TCF7L1: variants seen among roughly 807,000 people sequenced by gnomAD.
The protein encoded by TCF7L1 is transcription factor 7 like 1, also known as transcription factor 7-like 1.
TCF7L1 carries 18 observed loss-of-function variants against 63.7 expected under a neutral mutation model. That is an observed-to-expected ratio of 0.28 (90% CI 0.20 to 0.42). The LOEUF (loss-of-function observed/expected upper bound fraction) is 0.42. Among genes scored for constraint, TCF7L1 ranks in the 10% least tolerant of loss-of-function variants. The probability of loss-of-function intolerance (pLI) is 1.00; values close to 1 mark genes in which losing one functional copy is unlikely to be tolerated. For synonymous variants in TCF7L1, 355 were observed against 340.9 expected (o/e 1.04, Z -0.46); for missense variants, 654 against 779.3 (o/e 0.84, Z 1.91).
intron 4 of TCF7L1, among the ~76,000 whole-genome samples, chr2:85,290,168 A>G (rs905029162): frequency 5.3e-5 from 8 of 151,566 alleles, no homozygotes; most frequent in African/African-American, 1.7e-4. Context: ...TTTAGTAGAG[A>G]CGGGGTTTCA....
At chr2:85,278,895 A>G (rs1558654372) in intron 3 of TCF7L1, among the ~76,000 whole-genome samples, 1 of 152,224 alleles carries the variant, frequency 6.6e-6, no homozygotes, top group South Asian at 2.1e-4. Flanking sequence ...ACCCATAGAA[A>G]GCACCCCAGA....
intron 4 of TCF7L1, among the ~76,000 whole-genome samples, chr2:85,298,501 AAG>A (rs1491156883): frequency 0.015 from 2,101 of 135,906 alleles, 66 homozygotes; most frequent in African/African-American, 0.054. Flanking sequence ...AAAAAAAAAA[AAG>A]CATGTGAGAG....
chr2:85,199,574 C>T (rs1453520174), intron 3 of TCF7L1, among the ~76,000 whole-genome samples: 1 of 152,138 alleles, frequency 6.6e-6, no homozygotes, highest in Non-Finnish European at 1.5e-5. Flanking sequence ...CCAATTAAAT[C>T]ATAATCTCTA....
At chr2:85,152,635 A>G (rs1173093692) in intron 3 of TCF7L1, among the ~76,000 whole-genome samples, 6 of 145,310 alleles carry the variant, frequency 4.1e-5, no homozygotes, top group Non-Finnish European at 7.5e-5. Context: ...GGGTTTCACC[A>G]TGTTGGCCAG....
At chr2:85,250,649 C>A (rs1680567438) in intron 3 of TCF7L1, among the ~76,000 whole-genome samples, 1 of 152,154 alleles carries the variant, frequency 6.6e-6, no homozygotes, top group Non-Finnish European at 1.5e-5. Context: ...GTTGGCCAGG[C>A]TGGTCTCGAA....
intron 3 of TCF7L1, among the ~76,000 whole-genome samples, chr2:85,247,683 C>T (rs142816278): frequency 2.2e-4 from 33 of 152,262 alleles, no homozygotes; most frequent in Admixed American, 9.2e-4. Flanking sequence ...GGTAAGGTTG[C>T]GCGGGTGTCC....
At chr2:85,243,973 G>T (rs569985272) in intron 3 of TCF7L1, among the ~76,000 whole-genome samples, 1 of 152,298 alleles carries the variant, frequency 6.6e-6, no homozygotes, top group East Asian at 1.9e-4. Flanking sequence ...TGCCAGGGAG[G>T]GTTCAGGGTA....
At chr2:85,209,117 G>T (rs1173522873) in intron 3 of TCF7L1, among the ~76,000 whole-genome samples, 1 of 151,908 alleles carries the variant, frequency 6.6e-6, no homozygotes, top group African/African-American at 2.4e-5. Flanking sequence ...TAGCAGGCAA[G>T]CTGTTTCCGA....
intron 3 of TCF7L1, among the ~76,000 whole-genome samples, chr2:85,143,087 A>T (rs1677783361): frequency 6.6e-6 from 1 of 152,238 alleles, no homozygotes; most frequent in South Asian, 2.1e-4. Flanking sequence ...GGTCAAAGGC[A>T]ATAGCTCTAA....
intron 3 of TCF7L1, among the ~76,000 whole-genome samples, chr2:85,247,731 G>A (rs1212636873): frequency 6.6e-6 from 1 of 152,182 alleles, no homozygotes; most frequent in Non-Finnish European, 1.5e-5. Context: ...GTTGCAGCTG[G>A]ATTCCATTTC....
At chr2:85,272,788 C>G (rs1454767331) in intron 3 of TCF7L1, among the ~76,000 whole-genome samples, 1 of 152,076 alleles carries the variant, frequency 6.6e-6, no homozygotes, top group Admixed American at 6.5e-5. Context: ...GGGCAAGACC[C>G]TATCAATCAA....
At position 85,306,483 on chromosome 2, in the gene TCF7L1, A is replaced by C. The variant is rs753513838; in HGVS notation, c.1181A>C (p.Lys394Thr). Residue 394 changes from lysine (K) to threonine (T), a missense_variant, in exon 10 of 12, where the codon AAG becomes ACG. By Grantham distance (78) the Lys-to-Thr change is moderately conservative (BLOSUM62 -1). This residue lies in a region of TCF7L1 where 66 missense variants were observed against 120.5 expected (regional missense o/e 0.55). Coordinates refer to ENST00000282111, the MANE Select transcript of TCF7L1 (RefSeq NM_031283.3). This position sits in a 1 kb window ranked among gnomAD's most constrained non-coding sequence, Gnocchi z 4.3. Reference sequence around the variant, plus strand: ...AACCTGTCTCGAGAAGAACAGGCCAAGTACTACGAGCTGGCCCGGAAGGAG... The same window carrying C: ...AACCTGTCTCGAGAAGAACAGGCCACGTACTACGAGCTGGCCCGGAAGGAG... ...WHNLSREEQA[K>T]YYELARKERQ... 1 of 1,614,140 alleles carries C rather than the reference A, an allele frequency of 6.2e-7. No homozygotes were observed. Among genetic ancestry groups the C allele is most frequent in the Non-Finnish European group, 8.5e-7 (1 of 1,180,022 alleles).
At chr2:85,165,424 T>C (rs6739252) in intron 3 of TCF7L1, among the ~76,000 whole-genome samples, 7,482 of 152,322 alleles carry the variant, frequency 0.049, 192 homozygotes, top group African/African-American at 0.071. Flanking sequence ...AGCTGGTCCC[T>C]GTCCCTGGCC....
At chr2:85,304,106 C>A in intron 6 of TCF7L1, 109 bp downstream of exon 6, 1 of 1,165,878 alleles carries the variant, frequency 8.6e-7, no homozygotes, top group Non-Finnish European at 1.3e-6. Flanking sequence ...AAGCCCAGGA[C>A]TAGGCCTCCC....
At chr2:85,147,077 C>T (rs1350486631) in intron 3 of TCF7L1, among the ~76,000 whole-genome samples, 1 of 152,094 alleles carries the variant, frequency 6.6e-6, no homozygotes, top group Non-Finnish European at 1.5e-5. Flanking sequence ...GATACACGGG[C>T]AATCAATCTA....
intron 10 of TCF7L1, among the ~76,000 whole-genome samples, chr2:85,307,439 G>A (rs1419109972): frequency 6.6e-6 from 1 of 152,138 alleles, no homozygotes; most frequent in Non-Finnish European, 1.5e-5. Flanking sequence ...ACCTGGAGGG[G>A]AAACGCGTTT....
intron 3 of TCF7L1, among the ~76,000 whole-genome samples, chr2:85,172,715 C>T (rs144729973): frequency 1.1e-3 from 168 of 152,276 alleles, no homozygotes; most frequent in Non-Finnish European, 1.3e-3. Context: ...CGTGAGCCAC[C>T]GCGCCCGGCC....
chr2:85,201,373 A>G (rs934098356), intron 3 of TCF7L1, among the ~76,000 whole-genome samples: 1 of 152,206 alleles, frequency 6.6e-6, no homozygotes, highest in African/African-American at 2.4e-5. Flanking sequence ...TTAATGTTTT[A>G]TGATAGATTT....
intron 3 of TCF7L1, among the ~76,000 whole-genome samples, chr2:85,193,627 T>C (rs1679086963): frequency 6.6e-6 from 1 of 152,244 alleles, no homozygotes; most frequent in South Asian, 2.1e-4. Flanking sequence ...GCGGTAGTTT[T>C]CTGTTCTTTG....
Sources: allele counts gnomAD v4.1 joint callset (sites outside exome capture counted in the v4.1 genomes callset), GRCh38; gene constraint gnomAD v4.1.1; regional missense constraint gnomAD v4.1.1; non-coding constraint Gnocchi (gnomAD v3.1); transcripts MANE v1.5; gene names NCBI Gene and HGNC (gene_info 2026-07-23, HGNC 2026-07-21).